Variants in THRAP3 observed in about 807,000 individuals in gnomAD.
The protein encoded by THRAP3 is thyroid hormone receptor-associated protein 3.
THRAP3 carries 16 observed loss-of-function variants against 101.0 expected under a neutral mutation model. That is an observed-to-expected ratio of 0.16 (90% CI 0.11 to 0.24). The LOEUF is 0.24. Among genes scored for constraint, THRAP3 ranks in the 10% least tolerant of loss-of-function variants. The pLI, the probability that THRAP3 is intolerant of heterozygous loss-of-function variation, is 1.00. For synonymous variants in THRAP3, 407 were observed against 422.6 expected (o/e 0.96, Z 0.45); for missense variants, 989 against 1,202.7 (o/e 0.82, Z 2.63).
At chr1:36,250,084 A>C (rs1169589159) in intron 1 of THRAP3, among the ~76,000 whole-genome samples, 1 of 152,092 alleles carries the variant, frequency 6.6e-6, no homozygotes, top group Non-Finnish European at 1.5e-5. Context: ...TTTGGATGAA[A>C]ATTTTTACAA....
chr1:36,234,807 C>CTTTTTTTTTTTTTTTTTTTTTTT (rs35278020), intron 1 of THRAP3, among the ~76,000 whole-genome samples: 1 of 72,436 alleles, frequency 1.4e-5, no homozygotes, highest in African/African-American at 5.8e-5. Context: ...CTGTTTCAGT[C>CTTTTTTTTTTTTTTTTTTTTTTT]TTTTTTTTTT....
intron 11 of THRAP3, among the ~76,000 whole-genome samples, chr1:36,302,085 G>T (rs550288081): frequency 6.6e-6 from 1 of 152,150 alleles, no homozygotes; most frequent in Non-Finnish European, 1.5e-5. Context: ...AAGAAAGACC[G>T]CTCAGGATCT....
intron 11 of THRAP3, 78 bp from the exon 12 acceptor site, chr1:36,303,718 T>G: frequency 6.3e-7 from 1 of 1,591,194 alleles, no homozygotes; most frequent in Non-Finnish European, 8.5e-7. Flanking sequence ...GAAAGGCACA[T>G]TTGGGTGCGT....
At chr1:36,248,299 C>T (rs1645255875) in intron 1 of THRAP3, among the ~76,000 whole-genome samples, 2 of 152,014 alleles carry the variant, frequency 1.3e-5, no homozygotes, top group African/African-American at 2.4e-5. Flanking sequence ...GTGGCTTTGA[C>T]TGAGTTTTGA....
chr1:36,274,091 C>CGTGTG (rs1383531527), intron 2 of THRAP3, among the ~76,000 whole-genome samples: 2 of 142,974 alleles, frequency 1.4e-5, no homozygotes, highest in Non-Finnish European at 3.0e-5. Flanking sequence ...CACACACACA[C>CGTGTG]ACACACACAC....
At chr1:36,227,541 C>A (rs1303210936) in intron 1 of THRAP3, among the ~76,000 whole-genome samples, 1 of 152,082 alleles carries the variant, frequency 6.6e-6, no homozygotes, top group Admixed American at 6.6e-5. Flanking sequence ...CTCGGCCTCC[C>A]AAAAGTGCTG....
intron 2 of THRAP3, among the ~76,000 whole-genome samples, chr1:36,264,874 C>T (rs1372009093): frequency 1.3e-5 from 2 of 152,130 alleles, no homozygotes; most frequent in Non-Finnish European, 2.9e-5. Context: ...GTTCTATTGT[C>T]TCACAGCTCT....
chr1:36,262,805 T>TA (rs1458931827), intron 2 of THRAP3, among the ~76,000 whole-genome samples: 2 of 150,734 alleles, frequency 1.3e-5, no homozygotes, highest in Non-Finnish European at 1.5e-5. Flanking sequence ...TTATTATTAT[T>TA]TTTTTTGAGA....
intron 1 of THRAP3, among the ~76,000 whole-genome samples, chr1:36,255,741 C>G (rs569090961): frequency 6.7e-6 from 1 of 149,640 alleles, no homozygotes; most frequent in Non-Finnish European, 1.5e-5. Context: ...CCATTGCACT[C>G]CAGCCTGGGT....
At chr1:36,208,016 C>T in the THRAP3 span, among the ~76,000 whole-genome samples, 2 of 152,140 alleles carry the variant, frequency 1.3e-5, no homozygotes, top group African/African-American at 4.8e-5. Context: ...TAGTCTTGAA[C>T]TCCGGACCTC....
intron 1 of THRAP3, among the ~76,000 whole-genome samples, chr1:36,245,069 C>T (rs1229752412): frequency 6.6e-6 from 1 of 151,932 alleles, no homozygotes; most frequent in East Asian, 1.9e-4. Flanking sequence ...TACTTTGTTC[C>T]TCTAGTTGTA....
intron 2 of THRAP3, among the ~76,000 whole-genome samples, chr1:36,261,364 C>T (rs1357115001): frequency 6.6e-6 from 1 of 152,112 alleles, no homozygotes; most frequent in East Asian, 1.9e-4. Context: ...AACCCCATCT[C>T]TACTAAAAAT....
At position 36,292,713 on chromosome 1, in the gene THRAP3, A is replaced by G; in HGVS notation, c.2030+4A>G. Reference sequence around the variant, plus strand: ...AGAAAAGCCCAGAGATACACAGGTAAGGACCATGGCCTTATACTGGAGGTT... The same window carrying G: ...AGAAAAGCCCAGAGATACACAGGTAGGGACCATGGCCTTATACTGGAGGTT... On this transcript the variant is annotated splice_donor_region_variant and intron_variant, in intron 7 of 11. Transcript: ENST00000354618. The G allele has an allele frequency of 6.2e-7, 1 of 1,608,202 alleles. No homozygotes were observed. Among genetic ancestry groups the G allele is most frequent in the Non-Finnish European group, 8.5e-7 (1 of 1,175,628 alleles).
intron 2 of THRAP3, among the ~76,000 whole-genome samples, chr1:36,274,042 CAAA>C (rs35623670): frequency 3.0e-4 from 24 of 79,014 alleles, no homozygotes; most frequent in South Asian, 1.4e-3. Context: ...GACTCCACCT[CAAA>C]AAAAAAAAAA....
At chr1:36,261,727 A>C (rs878860752) in intron 2 of THRAP3, among the ~76,000 whole-genome samples, 2 of 152,184 alleles carry the variant, frequency 1.3e-5, no homozygotes, top group Admixed American at 1.3e-4. Context: ...AAATAATTTT[A>C]AGTGGAAGCA....
chr1:36,287,008 G>C lies in THRAP3; in HGVS notation c.778G>C (p.Val260Leu). Residue 260 changes from valine to leucine, a missense_variant, in exon 4 of 12, where the codon GTG (valine) becomes CTG (leucine). Val to Leu is a conservative substitution (Grantham distance 32, BLOSUM62 1). Transcript: ENST00000354618. ...ALKSPLQSVV[V>L]RRRSPRPSPV... ...CAAAAGCCCCCTCCAGTCTGTGGTGGTGAGGCGGCGGTCACCCCGTCCTAG... is the reference window on the plus strand; with the variant it reads ...CAAAAGCCCCCTCCAGTCTGTGGTGCTGAGGCGGCGGTCACCCCGTCCTAG... 6.2e-7 allele frequency: 1 copy of C among 1,614,236 alleles called. No homozygotes were observed.
At chr1:36,246,429 C>T (rs1645231338) in intron 1 of THRAP3, among the ~76,000 whole-genome samples, 1 of 150,706 alleles carries the variant, frequency 6.6e-6, no homozygotes, top group African/African-American at 2.4e-5. Flanking sequence ...GACGGGGTTT[C>T]ACCATGTTGG....
At chr1:36,233,631 T>C (rs1645053764) in intron 1 of THRAP3, among the ~76,000 whole-genome samples, 1 of 152,032 alleles carries the variant, frequency 6.6e-6, no homozygotes, top group Non-Finnish European at 1.5e-5. Context: ...GCCGGTGTGG[T>C]GGCATGAGCC....
intron 1 of THRAP3, among the ~76,000 whole-genome samples, chr1:36,248,447 C>T (rs1645257990): frequency 8.9e-6 from 1 of 112,292 alleles, no homozygotes; most frequent in African/African-American, 3.2e-5. Context: ...GCCTCAGCCT[C>T]TTTTTTTTTT....
Sources: gnomAD v4.1 joint callset for allele counts (sites outside exome capture counted in the v4.1 genomes callset) on GRCh38, gnomAD v4.1.1 for gene constraint, MANE v1.5 for transcripts, NCBI Gene and HGNC (gene_info 2026-07-23, HGNC 2026-07-21) for gene names.